The following MALRD1 variants were observed in gnomAD, a reference collection of about 807,000 sequenced individuals.
MALRD1 encodes MAM and LDL-receptor class A domain-containing protein 1.
MALRD1 carries 247 observed loss-of-function variants against 242.1 expected under a neutral mutation model. The ratio of observed to expected loss-of-function variants is 1.02; its 90% CI spans 0.92 to 1.13. MALRD1 has a LOEUF of 1.13. MALRD1 is among the 50% of genes most tolerant of loss of function. The pLI is 0.00. For synonymous variants in MALRD1, 995 were observed against 866.6 expected (o/e 1.15, Z -2.60); for missense variants, 2,989 against 2,533.1 (o/e 1.18, Z -3.86).
Position 19,128,375 on chromosome 10 carries a change from G to A in MALRD1, c.1098G>A (p.Leu366=), listed in dbSNP as rs1305406029. 8.1e-7 allele frequency: 1 copy of A among 1,232,690 alleles called. No individual in the cohort carries two copies. Among genetic ancestry groups the A allele is most frequent in the Admixed American group, 4.2e-5 (1 of 23,682 alleles). The allele number at this position is 1,232,690 out of a possible 1,614,324, so 76.4% of individuals were successfully genotyped here. The change falls in exon 8 of 40, where the codon CTG becomes CTA. Residue 366 remains leucine, a synonymous_variant. Transcript: ENST00000454679. ...AAAGCAGTGTCCTGAGAGTAAGACT[G>A]TATAATAATAAGGTAAGAAGAAAGT... is the stretch of plus-strand genomic sequence containing the variant. The part of the protein sequence containing the change: ...AMESSVLRVR[L]YNNKEEEIFW...
chr10:19,308,272 C>T (rs1842302032), intron 21 of MALRD1, among the ~76,000 whole-genome samples: 1 of 151,382 alleles, frequency 6.6e-6, no homozygotes, highest in South Asian at 2.1e-4. Flanking sequence ...GTGTAATGAT[C>T]AGAACAGGGT....
At chr10:19,487,998 A>G (rs1168950258) in intron 29 of MALRD1, among the ~76,000 whole-genome samples, 2 of 152,196 alleles carry the variant, frequency 1.3e-5, no homozygotes, top group Non-Finnish European at 2.9e-5. Context: ...CCTAATTGTC[A>G]GTAAATTACC....
chr10:19,536,119 C>A (rs1167118682), intron 32 of MALRD1, among the ~76,000 whole-genome samples: 2 of 152,142 alleles, frequency 1.3e-5, no homozygotes, highest in African/African-American at 4.8e-5. Context: ...TTCCAGAGAA[C>A]TACACTTCCC....
chr10:19,056,436 A>G (rs1834670124), intron 1 of MALRD1, among the ~76,000 whole-genome samples: 1 of 151,544 alleles, frequency 6.6e-6, no homozygotes, highest in Non-Finnish European at 1.5e-5. Context: ...TAAGTATTAT[A>G]CTTTATGTGT....
intron 33 of MALRD1, among the ~76,000 whole-genome samples, chr10:19,574,783 C>G (rs1202097640): frequency 6.6e-6 from 1 of 152,106 alleles, no homozygotes; most frequent in African/African-American, 2.4e-5. Context: ...ATTAGGGAAA[C>G]AGAAGGCACA....
chr10:19,329,419 C>CCA (rs1395026332), intron 23 of MALRD1, among the ~76,000 whole-genome samples: 1 of 91,508 alleles, frequency 1.1e-5, no homozygotes, highest in Non-Finnish European at 2.3e-5. Context: ...GGGACCCCCC[C>CCA]CCAATTTAAA....
intron 28 of MALRD1, among the ~76,000 whole-genome samples, chr10:19,439,892 C>T (rs1045830878): frequency 2.0e-5 from 3 of 152,144 alleles, no homozygotes; most frequent in Non-Finnish European, 2.9e-5. Context: ...AATACGTGTG[C>T]TATTACTTCG....
chr10:19,132,787 T>G (rs55763847), intron 8 of MALRD1, among the ~76,000 whole-genome samples: 9,280 of 152,236 alleles, frequency 0.061, 306 homozygotes, highest in South Asian at 0.14. Flanking sequence ...GAACAATTTG[T>G]TCTATTTTTG....
chr10:19,301,644 G>T (rs573870404), intron 21 of MALRD1, among the ~76,000 whole-genome samples: 54 of 151,802 alleles, frequency 3.6e-4, no homozygotes, highest in African/African-American at 1.2e-3. Flanking sequence ...TTCTTCTTCA[G>T]AAGTGGGAAC....
intron 28 of MALRD1, among the ~76,000 whole-genome samples, chr10:19,440,732 C>T (rs1337664527): frequency 1.3e-5 from 2 of 152,144 alleles, no homozygotes; most frequent in Non-Finnish European, 2.9e-5. Context: ...TTTTCTTAAT[C>T]CAGTCTATCA....
intron 32 of MALRD1, among the ~76,000 whole-genome samples, chr10:19,560,687 T>C (rs1027318394): frequency 1.3e-5 from 2 of 152,108 alleles, no homozygotes; most frequent in African/African-American, 4.8e-5. Flanking sequence ...CTGGAAACCA[T>C]CATTCTCAGC....
At chr10:19,371,052 C>G (rs1231662610) in intron 26 of MALRD1, among the ~76,000 whole-genome samples, 1 of 144,250 alleles carries the variant, frequency 6.9e-6, no homozygotes, top group African/African-American at 2.6e-5. Flanking sequence ...GAGTTTTAGA[C>G]CAGGCTGGAC....
chr10:19,687,060 T>G (rs1286141343), intron 36 of MALRD1, among the ~76,000 whole-genome samples: 2 of 152,160 alleles, frequency 1.3e-5, no homozygotes, highest in African/African-American at 4.8e-5. Context: ...TTGTTAATTT[T>G]ATGAGTAAAA....
chr10:19,568,617 C>G lies in MALRD1; in HGVS notation c.5680+914C>G, dbSNP rs566683504. On this transcript the variant is annotated intron_variant, in intron 33 of 39. Transcript: ENST00000454679. ...CCTTTGAAATCTTAAGATTAAAAATCTCATATAATCACCACTTTCTCATCT... is the reference window on the plus strand; with the variant it reads ...CCTTTGAAATCTTAAGATTAAAAATGTCATATAATCACCACTTTCTCATCT... 7.9e-5 allele frequency among the ~76,000 whole-genome samples: 12 copies of G among 152,100 alleles called. No individual in the cohort carries two copies. In the South Asian group the frequency reaches 2.5e-3, roughly 32 times the overall value.
chr10:19,046,958 A>G (rs959647712), upstream of MALRD1, among the ~76,000 whole-genome samples: 6 of 152,192 alleles, frequency 3.9e-5, no homozygotes, highest in African/African-American at 1.4e-4. Flanking sequence ...GCTGGAGAGC[A>G]TAGGGAAGCA....
chr10:19,580,011 C>T (rs1258315414), intron 33 of MALRD1, among the ~76,000 whole-genome samples: 1 of 152,076 alleles, frequency 6.6e-6, no homozygotes, highest in African/African-American at 2.4e-5. Flanking sequence ...TGTGGCCACA[C>T]TAACACTGAT....
chr10:19,267,652 C>A (rs986886719), intron 19 of MALRD1, among the ~76,000 whole-genome samples: 1 of 152,108 alleles, frequency 6.6e-6, no homozygotes, highest in Admixed American at 6.6e-5. Context: ...TCTTCTAATA[C>A]GCTGTTTGGC....
At chr10:19,489,009 C>T (rs963767567) in intron 29 of MALRD1, 1 of 455,876 alleles carries the variant, frequency 2.2e-6, no homozygotes, top group East Asian at 7.0e-5. Context: ...TCCGGTTCTC[C>T]CACCATCCCC....
At chr10:19,310,050 T>C (rs1842362559) in intron 21 of MALRD1, among the ~76,000 whole-genome samples, 1 of 151,538 alleles carries the variant, frequency 6.6e-6, no homozygotes, top group African/African-American at 2.4e-5. Flanking sequence ...TACTGTGAAC[T>C]CTTTCCTCTC....
Sources: allele counts gnomAD v4.1 joint callset (sites outside exome capture counted in the v4.1 genomes callset), GRCh38; gene constraint gnomAD v4.1.1; transcripts MANE v1.5; gene names NCBI Gene and HGNC (gene_info 2026-07-23, HGNC 2026-07-21).